Variants in SLC36A1 observed in about 807,000 individuals in gnomAD.
SLC36A1 encodes the protein proton-coupled amino acid transporter 1.
SLC36A1 carries 30 observed loss-of-function variants against 47.5 expected under a neutral mutation model. That is an observed-to-expected ratio of 0.63 (90% CI 0.47 to 0.86). The LOEUF is 0.86. SLC36A1 is among the 40% of genes least tolerant of loss of function. The pLI is 0.00. For missense variants in SLC36A1, 517 were observed against 606.0 expected (o/e 0.85, Z 1.54); for synonymous variants, 255 against 249.7 (o/e 1.02, Z -0.20).
chr5:151,499,525 A>G, the SLC36A1 span, among the ~76,000 whole-genome samples: 15 of 152,278 alleles, frequency 9.9e-5, no homozygotes, highest in Non-Finnish European at 1.9e-4. Flanking sequence ...ATCTTCATAC[A>G]TAATCTTCAG....
chr5:151,367,410 A>G, the SLC36A1 span, among the ~76,000 whole-genome samples: 1 of 144,796 alleles, frequency 6.9e-6, no homozygotes, highest in East Asian at 1.9e-4. Context: ...CTTGCTAGGA[A>G]AAGAATTTAG....
intron 7 of SLC36A1, among the ~76,000 whole-genome samples, chr5:151,468,826 C>G (rs1329211142): frequency 7.2e-5 from 11 of 152,076 alleles, no homozygotes; most frequent in Admixed American, 7.2e-4. Flanking sequence ...ATTTTTCTAA[C>G]CTGTATTTAG....
At chr5:151,419,994 G>C in the SLC36A1 span, 2 of 152,252 alleles carry the variant, frequency 1.3e-5, no homozygotes. Flanking sequence ...GAGTGTGGGG[G>C]AGAGCAGGAT....
At chr5:151,526,035 G>A in the SLC36A1 span, 2 of 1,472,612 alleles carry the variant, frequency 1.4e-6, no homozygotes, top group South Asian at 1.2e-5. Context: ...CACGTGTCTG[G>A]GTATGTCATC....
chr5:151,481,194 C>T (rs539450243), intron 10 of SLC36A1, among the ~76,000 whole-genome samples: 27 of 152,260 alleles, frequency 1.8e-4, no homozygotes, highest in Non-Finnish European at 5.9e-5. Flanking sequence ...CTCCCTTCAA[C>T]AGGACGATGC....
chr5:151,553,837 A>G, the SLC36A1 span, among the ~76,000 whole-genome samples: 1 of 152,188 alleles, frequency 6.6e-6, no homozygotes, highest in Non-Finnish European at 1.5e-5. Context: ...TCCTGTTATC[A>G]TCTGTCTTTT....
the SLC36A1 span, chr5:151,505,820 G>T: frequency 6.2e-7 from 1 of 1,613,474 alleles, no homozygotes; most frequent in Non-Finnish European, 8.5e-7. Flanking sequence ...TGAGACAGGG[G>T]GCAACCAGGC....
chr5:151,510,224 A>C, the SLC36A1 span: 1 of 1,596,630 alleles, frequency 6.3e-7, no homozygotes, highest in Non-Finnish European at 8.6e-7. Context: ...TAGCAGTTAA[A>C]GGAGACCTGG....
chr5:151,546,528 T>G, the SLC36A1 span, among the ~76,000 whole-genome samples: 1 of 152,280 alleles, frequency 6.6e-6, no homozygotes, highest in African/African-American at 2.4e-5. Flanking sequence ...GCATAGTAGG[T>G]GCTTCATATC....
the SLC36A1 span, chr5:151,551,618 G>A: frequency 6.2e-7 from 1 of 1,613,894 alleles, no homozygotes; most frequent in Non-Finnish European, 8.5e-7. Flanking sequence ...TAGAGTGGGA[G>A]TGGGGAGAAA....
chr5:151,515,240 C>A, the SLC36A1 span, among the ~76,000 whole-genome samples: 50 of 152,272 alleles, frequency 3.3e-4, no homozygotes, highest in African/African-American at 1.1e-3. Flanking sequence ...CTGGGTTTTC[C>A]TCCAGCATCA....
the SLC36A1 span, among the ~76,000 whole-genome samples, chr5:151,373,896 A>G: frequency 6.6e-6 from 1 of 152,164 alleles, no homozygotes; most frequent in South Asian, 2.1e-4. Context: ...CACTGTGCTC[A>G]GCCTGTTCTT....
In SLC36A1 at chr5:151,488,371, A is replaced by G. The variant is rs1035818369; in HGVS notation, c.*117A>G. 7 of 1,349,982 alleles carry G rather than the reference A, an allele frequency of 5.2e-6. No individual in the cohort carries two copies. 83.6% of individuals were successfully genotyped at this position (1,349,982 alleles called of 1,614,324 possible). A position where few individuals can be genotyped will look rare whatever the true frequency, so the allele number is the denominator to read the frequency against. On this transcript the variant is annotated 3_prime_UTR_variant, in exon 11 of 11. Coordinates refer to ENST00000243389, the MANE Select transcript of SLC36A1 (RefSeq NM_078483.4). ...GGAAAGTCAGGGTTGCTGTGTGGGA[A>G]CCCCTCTGCCTGGCACCTGGATACC...
the SLC36A1 span, among the ~76,000 whole-genome samples, chr5:151,396,342 C>T: frequency 1.3e-5 from 2 of 151,890 alleles, no homozygotes; most frequent in South Asian, 4.2e-4. Context: ...ACCTTGTGAT[C>T]CACCCGTCTC....
chr5:151,425,964 C>CTCTATCTATCTATCTATCTATCTA, the SLC36A1 span, among the ~76,000 whole-genome samples: 564 of 148,164 alleles, frequency 3.8e-3, 3 homozygotes, highest in East Asian at 5.2e-3. Context: ...CTCTCTCTCC[C>CTCTATCTATCTATCTATCTATCTA]TCTATCTATC....
At chr5:151,524,100 C>T in the SLC36A1 span, among the ~76,000 whole-genome samples, 2 of 152,136 alleles carry the variant, frequency 1.3e-5, no homozygotes, top group East Asian at 3.9e-4. Context: ...TGGTCTCCCT[C>T]ACCCACTCTA....
chr5:151,534,281 A>T, the SLC36A1 span: 1 of 626,074 alleles, frequency 1.6e-6, no homozygotes, highest in Non-Finnish European at 2.8e-6. Context: ...TTTTACTTTT[A>T]AGTGTCCCCA....
chr5:151,353,459 G>A, the SLC36A1 span, among the ~76,000 whole-genome samples: 5 of 152,190 alleles, frequency 3.3e-5, no homozygotes, highest in Non-Finnish European at 7.3e-5. Context: ...AGCCAAAGGA[G>A]CAGAGAGTTC....
chr5:151,510,012 T>C, the SLC36A1 span: 22 of 1,613,706 alleles, frequency 1.4e-5, no homozygotes, highest in Admixed American at 8.3e-5. Flanking sequence ...TGGCCTCTCC[T>C]GGGATTACCT....
Sources: allele counts gnomAD v4.1 joint callset (sites outside exome capture counted in the v4.1 genomes callset), GRCh38; gene constraint gnomAD v4.1.1; transcripts MANE v1.5; gene names NCBI Gene and HGNC (gene_info 2026-07-23, HGNC 2026-07-21).